Variants in ZNF438 observed in about 807,000 individuals in gnomAD.
The protein encoded by ZNF438 is zinc finger protein 438.
A neutral mutation model predicts 38.0 loss-of-function variants in ZNF438; 25 were observed. The observed-to-expected ratio is 0.66, with a 90% confidence interval of 0.48 to 0.92. ZNF438 has a LOEUF of 0.92. ZNF438 is among the 40% of genes least tolerant of loss of function. The pLI, the probability that ZNF438 is intolerant of heterozygous loss-of-function variation, is 0.00. For missense variants in ZNF438, 1,007 were observed against 999.6 expected, an observed-to-expected ratio of 1.01 and a Z score of -0.10; for synonymous variants, 372 against 364.1, an observed-to-expected ratio of 1.02 and a Z score of -0.25.
intron 1 of ZNF438, among the ~76,000 whole-genome samples, chr10:31,019,690 T>C (rs2056453181): frequency 1.3e-5 from 2 of 152,224 alleles, no homozygotes; most frequent in Non-Finnish European, 2.9e-5. Flanking sequence ...CCAGATAATA[T>C]ACAGGATGCC....
At chr10:30,869,058 C>A (rs540887890) in intron 4 of ZNF438, among the ~76,000 whole-genome samples, 20 of 152,356 alleles carry the variant, frequency 1.3e-4, no homozygotes, top group Admixed American at 1.3e-3. Context: ...GATTACCAGC[C>A]TGTTTTTCAG....
chr10:30,936,109 TCAGA>T (rs1330910416), intron 2 of ZNF438, among the ~76,000 whole-genome samples: 2 of 152,172 alleles, frequency 1.3e-5, no homozygotes, highest in African/African-American at 2.4e-5. Context: ...GATGAGACAG[TCAGA>T]CAGCCAGACC....
At chr10:30,845,668 A>G (rs2031839147) in intron 5 of ZNF438, 95 bp from the exon 7 acceptor site, 1 of 1,428,010 alleles carries the variant, frequency 7.0e-7, no homozygotes, top group Admixed American at 2.3e-5. Context: ...TCTAAAACAT[A>G]ACACTGACGA....
chr10:30,948,625 C>A (rs1402469597), intron 1 of ZNF438, among the ~76,000 whole-genome samples: 3 of 149,950 alleles, frequency 2.0e-5, no homozygotes, highest in Non-Finnish European at 4.5e-5. Context: ...GGAGCCGATG[C>A]GATCAACTGG....
rs144648585 is a variant in ZNF438 at position 30,928,701 on chromosome 10, C to T, written c.-115+12874G>A. ...CTGCTCTAAGATCAGACCAGACATT[C>T]AGTTAACTCTACCCTCCACTGTCCC... On this transcript the variant is annotated intron_variant, in intron 2 of 5. Transcript: ENST00000413025. 3.6e-3 allele frequency among the ~76,000 whole-genome samples: 554 copies of T among 152,230 alleles called. 3 individuals are homozygous for T. Among genetic ancestry groups the T allele is most frequent in the African/African-American group, 0.012 (514 of 41,526 alleles).
At chr10:30,951,147 C>A (rs930662838) in intron 1 of ZNF438, among the ~76,000 whole-genome samples, 3 of 150,176 alleles carry the variant, frequency 2.0e-5, no homozygotes, top group Admixed American at 6.7e-5. Flanking sequence ...AAGACAAAAA[C>A]CACATGATTA....
At chr10:30,990,398 A>G (rs1047239584) in intron 1 of ZNF438, among the ~76,000 whole-genome samples, 2 of 152,214 alleles carry the variant, frequency 1.3e-5, no homozygotes, top group African/African-American at 4.8e-5. Flanking sequence ...AAAAGATGCA[A>G]CCAAACATTG....
chr10:30,853,357 C>T (rs948451034), intron 4 of ZNF438, among the ~76,000 whole-genome samples: 1 of 152,176 alleles, frequency 6.6e-6, no homozygotes, highest in African/African-American at 2.4e-5. Context: ...AGAGTAAAGC[C>T]AAAATCCCTG....
chr10:30,880,912 T>G (rs1213962824), intron 3 of ZNF438, among the ~76,000 whole-genome samples: 1 of 152,188 alleles, frequency 6.6e-6, no homozygotes, highest in Non-Finnish European at 1.5e-5. Flanking sequence ...AAAAATTGTA[T>G]GTGATAAAAT....
intron 2 of ZNF438, among the ~76,000 whole-genome samples, chr10:30,911,761 C>T (rs2043102653): frequency 6.6e-6 from 1 of 152,130 alleles, no homozygotes; most frequent in African/African-American, 2.4e-5. Context: ...TTCATGCTCT[C>T]TCTAGATCAT....
chr10:30,942,213 C>T (rs2046888543), intron 1 of ZNF438, among the ~76,000 whole-genome samples: 2 of 152,114 alleles, frequency 1.3e-5, no homozygotes, highest in South Asian at 2.1e-4. Flanking sequence ...GGAGGGAGAT[C>T]GATAAGGACT....
chr10:30,975,584 GAAAA>G (rs1358637333), intron 1 of ZNF438, among the ~76,000 whole-genome samples: 3 of 152,130 alleles, frequency 2.0e-5, no homozygotes, highest in African/African-American at 7.2e-5. Context: ...CTTTGCTACA[GAAAA>G]TACCAAATAC....
chr10:30,937,495 G>A (rs1291557929), intron 2 of ZNF438, among the ~76,000 whole-genome samples: 3 of 152,112 alleles, frequency 2.0e-5, no homozygotes, highest in Non-Finnish European at 4.4e-5. Context: ...TATGTTAAAG[G>A]TCATATTCCT....
chr10:30,877,571 T>C (rs2038617673), intron 3 of ZNF438, among the ~76,000 whole-genome samples: 1 of 152,118 alleles, frequency 6.6e-6, no homozygotes, highest in Non-Finnish European at 1.5e-5. Context: ...TGCTAAATGA[T>C]GGACACCAGC....
intron 1 of ZNF438, among the ~76,000 whole-genome samples, chr10:31,029,168 G>T (rs1012828784): frequency 1.2e-4 from 19 of 152,266 alleles, no homozygotes; most frequent in Middle Eastern, 3.4e-3. Context: ...GGTGACTTCA[G>T]ACAAGTCACT....
At chr10:30,968,947 G>A (rs543953243) in intron 1 of ZNF438, among the ~76,000 whole-genome samples, 2 of 152,120 alleles carry the variant, frequency 1.3e-5, no homozygotes, top group South Asian at 4.1e-4. Context: ...GTGAGTATGA[G>A]AGCTATTAAC....
At chr10:30,997,420 A>C (rs1332624896) in intron 1 of ZNF438, among the ~76,000 whole-genome samples, 2 of 152,196 alleles carry the variant, frequency 1.3e-5, no homozygotes, top group African/African-American at 4.8e-5. Flanking sequence ...AAGAATGAGA[A>C]GACTGAAAAT....
At chr10:30,961,649 A>G (rs1161613419) in intron 1 of ZNF438, among the ~76,000 whole-genome samples, 1 of 146,390 alleles carries the variant, frequency 6.8e-6, no homozygotes, top group Non-Finnish European at 1.6e-5. Context: ...CACTTTGGGA[A>G]GCCAAGGTGA....
chr10:30,976,182 A>C (rs181670788), intron 1 of ZNF438, among the ~76,000 whole-genome samples: 97 of 152,342 alleles, frequency 6.4e-4, no homozygotes, highest in African/African-American at 2.2e-3. Flanking sequence ...AATGAAAACA[A>C]GGAAGAATTT....
Sources: allele counts gnomAD v4.1 joint callset (sites outside exome capture counted in the v4.1 genomes callset), GRCh38; gene constraint gnomAD v4.1.1; transcripts MANE v1.5; gene names NCBI Gene and HGNC (gene_info 2026-07-23, HGNC 2026-07-21).